DPRX: variants seen among roughly 807,000 people sequenced by gnomAD.
The protein encoded by DPRX is divergent paired-related homeobox.
In DPRX, 11 loss-of-function variants were observed where a neutral mutation model predicts 8.4. The ratio of observed to expected loss-of-function variants is 1.31; its 90% CI spans 0.82 to 2.17. The LOEUF is 2.17. Among genes scored for constraint, DPRX ranks in the 30% most tolerant of loss-of-function variants. The pLI is 0.00. For synonymous variants in DPRX, 72 were observed against 87.0 expected, an observed-to-expected ratio of 0.83 and a Z score of 0.96; for missense variants, 211 against 236.7, an observed-to-expected ratio of 0.89 and a Z score of 0.71.
At chr19:53,601,178 G>A in the DPRX span, 1 of 448,596 alleles carries the variant, frequency 2.2e-6, no homozygotes. Flanking sequence ...CACACTGTTA[G>A]CCTGAGACAG....
chr19:53,629,002 T>C (rs533150455), upstream of DPRX, among the ~76,000 whole-genome samples: 2 of 152,040 alleles, frequency 1.3e-5, no homozygotes, highest in East Asian at 1.9e-4. Flanking sequence ...GGTTTATCCA[T>C]ACAATGGAGT....
the DPRX span, chr19:53,601,911 C>A: frequency 5.0e-6 from 2 of 401,562 alleles, no homozygotes; most frequent in South Asian, 1.8e-5. Context: ...GCCCTTTTTA[C>A]CCCTGGTCCC....
At chr19:53,621,925 G>A in the DPRX span, among the ~76,000 whole-genome samples, 1 of 152,032 alleles carries the variant, frequency 6.6e-6, no homozygotes, top group South Asian at 2.1e-4. Flanking sequence ...ATTGTTATGT[G>A]GGCCCCAAAC....
intron 1 of DPRX, among the ~76,000 whole-genome samples, chr19:53,633,788 A>G (rs28421326): frequency 0.014 from 2,076 of 151,518 alleles, 48 homozygotes; most frequent in African/African-American, 0.047. Flanking sequence ...GATTACAGGC[A>G]TGAGCCACTG....
At chr19:53,632,054 T>A, upstream of DPRX, 1 of 1,612,542 alleles carries the variant, frequency 6.2e-7, no homozygotes, top group Non-Finnish European at 8.5e-7. Context: ...GGATTTGATC[T>A]TTGCTAGTTC....
the DPRX span, among the ~76,000 whole-genome samples, chr19:53,618,634 A>C: frequency 6.9e-6 from 1 of 144,298 alleles, no homozygotes; most frequent in Non-Finnish European, 1.5e-5. Context: ...AAAAAAAAAA[A>C]GAGTACTAAA....
the DPRX span, among the ~76,000 whole-genome samples, chr19:53,626,071 G>T: frequency 6.6e-6 from 1 of 151,882 alleles, no homozygotes; most frequent in African/African-American, 2.4e-5. Flanking sequence ...TGAGTAACAG[G>T]GACTACAGGC....
chr19:53,611,612 T>C, the DPRX span, among the ~76,000 whole-genome samples: 2 of 152,008 alleles, frequency 1.3e-5, no homozygotes, highest in Middle Eastern at 3.2e-3. Flanking sequence ...AAAAAGAGAT[T>C]TTTAAAAAAA....
chr19:53,609,513 C>CA, the DPRX span, among the ~76,000 whole-genome samples: 7 of 92,126 alleles, frequency 7.6e-5, no homozygotes, highest in Middle Eastern at 7.2e-3. Context: ...AAACCAGAAA[C>CA]AAAAAAAACC....
At chr19:53,633,945 TAAA>T (rs1416500493) in intron 1 of DPRX, among the ~76,000 whole-genome samples, 1 of 152,112 alleles carries the variant, frequency 6.6e-6, no homozygotes, top group African/African-American at 2.4e-5. Context: ...ATCCCATATT[TAAA>T]TGATAACAGA....
chr19:53,613,514 A>ATT, the DPRX span, among the ~76,000 whole-genome samples: 10 of 139,380 alleles, frequency 7.2e-5, no homozygotes, highest in South Asian at 4.6e-4. Context: ...TGCCCCGCTA[A>ATT]TTTTTTTTTT....
chr19:53,633,710 A>G (rs1048490381), intron 1 of DPRX, among the ~76,000 whole-genome samples: 5 of 152,066 alleles, frequency 3.3e-5, no homozygotes, highest in East Asian at 1.9e-4. Flanking sequence ...GGGTTTCACC[A>G]TGTTAGCCAG....
At chr19:53,601,741 C>T in the DPRX span, among the ~76,000 whole-genome samples, 1 of 152,050 alleles carries the variant, frequency 6.6e-6, no homozygotes, top group Non-Finnish European at 1.5e-5. Context: ...CTTGGCCTCC[C>T]AAAGTGCTGG....
At chr19:53,635,143 A>T (rs1365921525) in intron 2 of DPRX, among the ~76,000 whole-genome samples, 1 of 151,822 alleles carries the variant, frequency 6.6e-6, no homozygotes, top group Non-Finnish European at 1.5e-5. Context: ...ACGCCTCCCA[A>T]AGTGTTGGGA....
intron 1 of DPRX, 90 bp downstream of exon 1, chr19:53,632,224 C>T (rs907803763): frequency 5.1e-6 from 8 of 1,580,634 alleles, no homozygotes; most frequent in African/African-American, 1.3e-5. Flanking sequence ...ACCAGGCGGC[C>T]GAAGCTGGTG....
the DPRX span, among the ~76,000 whole-genome samples, chr19:53,623,231 C>T: frequency 1.3e-5 from 2 of 151,794 alleles, no homozygotes; most frequent in African/African-American, 2.4e-5. Context: ...GGCGTGAACC[C>T]AGGAGGTGGA....
At chr19:53,619,878 A>C in the DPRX span, among the ~76,000 whole-genome samples, 1 of 150,098 alleles carries the variant, frequency 6.7e-6, no homozygotes, top group South Asian at 2.1e-4. Flanking sequence ...AAAAAGGATA[A>C]GTTGCTGAAG....
chr19:53,608,976 G>GAAAAAAAAAAAAAAAAAAAAAA, the DPRX span, among the ~76,000 whole-genome samples: 1 of 80,658 alleles, frequency 1.2e-5, no homozygotes, highest in Non-Finnish European at 2.4e-5. Context: ...AAAAAAAAAG[G>GAAAAAAAAAAAAAAAAAAAAAA]AAAGAAAAGA....
At chr19:53,629,032 G>T (rs1411250698), upstream of DPRX, among the ~76,000 whole-genome samples, 2 of 151,806 alleles carry the variant, frequency 1.3e-5, no homozygotes, top group African/African-American at 4.8e-5. Flanking sequence ...CTGTAAAAGG[G>T]GCTTGGCGCA....
Sources: allele counts gnomAD v4.1 joint callset (sites outside exome capture counted in the v4.1 genomes callset), GRCh38; gene constraint gnomAD v4.1.1; transcripts MANE v1.5; gene names NCBI Gene and HGNC (gene_info 2026-07-23, HGNC 2026-07-21).